Variants in TMEM108 observed in about 807,000 individuals in gnomAD.
The protein encoded by TMEM108 is cancer/testis antigen 124.
In TMEM108, 12 loss-of-function variants were observed where a neutral mutation model predicts 35.1. The ratio of observed to expected loss-of-function variants is 0.34; its 90% CI spans 0.22 to 0.55. The LOEUF (loss-of-function observed/expected upper bound fraction) is 0.55, where lower values mean the gene tolerates loss of function less well. Ranked by LOEUF, TMEM108 falls within the 20% of genes least tolerant of loss-of-function variation. The pLI is 0.89. For synonymous variants in TMEM108, 287 were observed against 308.6 expected (o/e 0.93, Z 0.73); for missense variants, 680 against 753.3 (o/e 0.90, Z 1.14).
intron 3 of TMEM108, among the ~76,000 whole-genome samples, chr3:133,343,344 C>T (rs2071720076): frequency 1.3e-5 from 2 of 151,792 alleles, no homozygotes; most frequent in South Asian, 2.1e-4. Context: ...TATTATTCAA[C>T]CTAGCAATCT....
intron 3 of TMEM108, among the ~76,000 whole-genome samples, chr3:133,261,464 G>C (rs1946621556): frequency 6.6e-6 from 1 of 152,102 alleles, no homozygotes; most frequent in African/African-American, 2.4e-5. Context: ...ACTCTTCCTG[G>C]CTGTGCATCA....
At chr3:133,114,679 G>A (rs1944266562) in intron 2 of TMEM108, among the ~76,000 whole-genome samples, 1 of 151,920 alleles carries the variant, frequency 6.6e-6, no homozygotes, top group African/African-American at 2.4e-5. Flanking sequence ...TTCAGGCCAC[G>A]GTTACCACCA....
intron 3 of TMEM108, among the ~76,000 whole-genome samples, chr3:133,359,374 T>G (rs1441372857): frequency 6.6e-6 from 1 of 152,194 alleles, no homozygotes; most frequent in Non-Finnish European, 1.5e-5. Context: ...TTGGGAACCC[T>G]TTTCTTACAA....
At chr3:133,319,860 A>G (rs945966022) in intron 3 of TMEM108, among the ~76,000 whole-genome samples, 17 of 152,182 alleles carry the variant, frequency 1.1e-4, no homozygotes, top group Non-Finnish European at 2.1e-4. Context: ...CCTTCATGAG[A>G]CCACCTCATG....
chr3:133,137,477 A>C (rs972464264), intron 2 of TMEM108, among the ~76,000 whole-genome samples: 1 of 152,174 alleles, frequency 6.6e-6, no homozygotes, highest in African/African-American at 2.4e-5. Context: ...TTCTATCCCC[A>C]GATGCTGTCT....
intron 2 of TMEM108, among the ~76,000 whole-genome samples, chr3:133,076,114 C>G (rs1471466329): frequency 6.6e-6 from 1 of 151,998 alleles, no homozygotes; most frequent in African/African-American, 2.4e-5. Context: ...ATTTAAGGGT[C>G]TAGATTTTTA....
intron 2 of TMEM108, among the ~76,000 whole-genome samples, chr3:133,151,003 C>G (rs747918096): frequency 1.3e-5 from 2 of 152,148 alleles, no homozygotes; most frequent in Non-Finnish European, 2.9e-5. Context: ...CCATTTCTTT[C>G]TCTTGCCATG....
chr3:133,358,562 C>T (rs1340583510), intron 3 of TMEM108, among the ~76,000 whole-genome samples: 3 of 152,090 alleles, frequency 2.0e-5, no homozygotes, highest in Non-Finnish European at 2.9e-5. Flanking sequence ...ATGTGCTGCA[C>T]GGATGCCTTC....
intron 3 of TMEM108, among the ~76,000 whole-genome samples, chr3:133,264,600 A>G (rs1253375254): frequency 6.6e-6 from 1 of 152,198 alleles, no homozygotes; most frequent in Non-Finnish European, 1.5e-5. Flanking sequence ...TGATTTGGTC[A>G]CAAATTCATC....
In TMEM108 at chr3:133,157,862, C is replaced by T. The variant is rs536589816; in HGVS notation, c.-46-71404C>T. ...TGTAAGCCAGGGGAATGAGCTCCCC[C>T]GGTTCTGGATAACAATTAGCTGAGT... On this transcript the variant is annotated intron_variant, in intron 2 of 5. Coordinates refer to ENST00000321871, the MANE Select transcript of TMEM108 (RefSeq NM_023943.4). Among the ~76,000 whole-genome samples the T allele has an allele frequency of 7.2e-5, 11 of 152,240 alleles. No individual in the cohort carries two copies. In the East Asian group the frequency reaches 1.5e-3, roughly 21 times the overall value.
At chr3:133,067,674 CTT>C (rs574822819) in intron 2 of TMEM108, among the ~76,000 whole-genome samples, 51 of 152,272 alleles carry the variant, frequency 3.3e-4, no homozygotes, top group African/African-American at 1.1e-3. Flanking sequence ...CTCTCAGAGA[CTT>C]TTGTCTAGCT....
At chr3:133,322,017 C>G (rs927888617) in intron 3 of TMEM108, among the ~76,000 whole-genome samples, 20 of 152,170 alleles carry the variant, frequency 1.3e-4, no homozygotes, top group African/African-American at 4.8e-4. Flanking sequence ...ACTTCTGGGT[C>G]ACAGGAAAAG....
At chr3:133,119,659 A>G (rs17361142) in intron 2 of TMEM108, among the ~76,000 whole-genome samples, 32,981 of 152,106 alleles carry the variant, frequency 0.22, 4,355 homozygotes, top group Non-Finnish European at 0.3. Context: ...CATCCTAACT[A>G]TCTACTGATT....
At chr3:133,133,477 A>C (rs1944519315) in intron 2 of TMEM108, among the ~76,000 whole-genome samples, 1 of 152,228 alleles carries the variant, frequency 6.6e-6, no homozygotes, top group Non-Finnish European at 1.5e-5. Flanking sequence ...CTGGGGAAAC[A>C]GAAAATCTGT....
At chr3:133,282,713 A>G (rs1012355212) in intron 3 of TMEM108, among the ~76,000 whole-genome samples, 4 of 152,146 alleles carry the variant, frequency 2.6e-5, no homozygotes, top group Admixed American at 6.5e-5. Context: ...TTAAAAATGT[A>G]TTTACTCCCT....
At chr3:133,249,703 T>G (rs954677536) in intron 3 of TMEM108, among the ~76,000 whole-genome samples, 1 of 152,166 alleles carries the variant, frequency 6.6e-6, no homozygotes, top group Non-Finnish European at 1.5e-5. Flanking sequence ...CCTTATCCAG[T>G]CCACTGTTGA....
chr3:133,368,879 C>G (rs1307995118), intron 3 of TMEM108, among the ~76,000 whole-genome samples: 2 of 152,156 alleles, frequency 1.3e-5, no homozygotes, highest in Non-Finnish European at 2.9e-5. Flanking sequence ...TTCAAGAACT[C>G]ACAGCCCCAT....
At chr3:133,163,388 A>T (rs900893682) in intron 2 of TMEM108, among the ~76,000 whole-genome samples, 1 of 152,226 alleles carries the variant, frequency 6.6e-6, no homozygotes, top group East Asian at 1.9e-4. Flanking sequence ...CTGGGATGGC[A>T]TGGTGTTGTC....
chr3:133,352,820 T>C (rs1057396695), intron 3 of TMEM108, among the ~76,000 whole-genome samples: 2 of 152,180 alleles, frequency 1.3e-5, no homozygotes, highest in African/African-American at 4.8e-5. Flanking sequence ...TGGGTTTTGA[T>C]GGAGGCTTCA....
Sources: allele counts gnomAD v4.1 joint callset (sites outside exome capture counted in the v4.1 genomes callset), GRCh38; gene constraint gnomAD v4.1.1; transcripts MANE v1.5; gene names NCBI Gene and HGNC (gene_info 2026-07-23, HGNC 2026-07-21).